BTG1: variants seen among roughly 807,000 people sequenced by gnomAD.
BTG1 encodes BTG anti-proliferation factor 1, also known as protein BTG1.
A neutral mutation model predicts 15.2 loss-of-function variants in BTG1; 2 were observed. The observed-to-expected ratio is 0.13, with a 90% CI of 0.05 to 0.41. The LOEUF is 0.41. Among genes scored for constraint, BTG1 ranks in the 10% least tolerant of loss-of-function variants. The pLI is 0.99. For synonymous variants in BTG1, 109 were observed against 82.4 expected, an observed-to-expected ratio of 1.32 and a Z score of -1.75; for missense variants, 149 against 215.0, an observed-to-expected ratio of 0.69 and a Z score of 1.92.
chr12:92,145,714 G>A lies in BTG1; in HGVS notation c.-179C>T. 2.8e-6 allele frequency: 1 copy of A among 353,882 alleles called. No individual in the cohort carries two copies. Among genetic ancestry groups the A allele is most frequent in the Non-Finnish European group, 4.9e-6 (1 of 205,686 alleles). 21.9% of individuals were successfully genotyped at this position (353,882 alleles called of 1,614,324 possible). On this transcript the variant is annotated 5_prime_UTR_variant, in exon 1 of 2. Coordinates refer to ENST00000256015, the MANE Select transcript of BTG1 (RefSeq NM_001731.3). ...GACTAAAAAAGTTATTTTCGAGACA[G>A]GAGGCGGCAGGAGAGAGGAAGAGAC...
rs778031532 is a variant in BTG1, at chr12:92,144,260, G to C, written c.336C>G (p.Ser112=). ...TGGAGCCATCCTCTCCAATTCTGTA[G>C]GACACTTCATAGGGGTCAACCCAGA... The part of the protein sequence containing the change: ...LTLWVDPYEV[S]YRIGEDGSIC... The change falls in exon 2 of 2, where the codon TCC becomes TCG. Residue 112 remains serine (S), a synonymous_variant. Coordinates refer to ENST00000256015, the MANE Select transcript of BTG1 (RefSeq NM_001731.3). 2.5e-6 allele frequency: 4 copies of C among 1,614,092 alleles called. No homozygotes were observed. The highest frequency in any genetic ancestry group is 3.4e-6 in the Non-Finnish European group (4 of 1,180,054).
Position 92,141,174 on chromosome 12 carries a change from T to C in BTG1, c.*2906A>G, listed in dbSNP as rs1003904651. On this transcript the variant is annotated 3_prime_UTR_variant, in exon 2 of 2. Coordinates refer to ENST00000256015, the MANE Select transcript of BTG1 (RefSeq NM_001731.3). Reference sequence around the variant, plus strand: ...CCAATTTCATAAACTGCAACACCTATACAAAACAAAATTAATTACTTGCAA... The same window carrying C: ...CCAATTTCATAAACTGCAACACCTACACAAAACAAAATTAATTACTTGCAA... 4.3e-6 allele frequency: 1 copy of C among 232,720 alleles called. No individual in the cohort carries two copies. Among genetic ancestry groups the C allele is most frequent in the Non-Finnish European group, 8.5e-6 (1 of 117,728 alleles). The allele number at this position is 232,720 out of a possible 1,614,324, so 14.4% of individuals were successfully genotyped here.
In BTG1 at chr12:92,143,937, T is replaced by TC; in HGVS notation, c.*142_*143insG. On this transcript the variant is annotated 3_prime_UTR_variant, in exon 2 of 2. Transcript: ENST00000256015. ...ATGGCACTGTCACTTAAAATTTTTT[T>TC]TTTTTTTACCATTCTATCTTGTGCC... 2.8e-6 allele frequency: 3 copies of TC among 1,066,812 alleles called. No homozygotes were observed. Among genetic ancestry groups the TC allele is most frequent in the Non-Finnish European group, 2.6e-6 (2 of 761,944 alleles). 66.1% of individuals were successfully genotyped at this position (1,066,812 alleles called of 1,614,324 possible).
Position 92,142,874 on chromosome 12 carries a change from C to T in BTG1, c.*1206G>A, listed in dbSNP as rs1043225853. ...GTATCACATTTTTGGTAGATGCTAC[C>T]GTGGTCTCTTATCCTTATTTCATGA... On this transcript the variant is annotated 3_prime_UTR_variant, in exon 2 of 2. Transcript: ENST00000256015. 2 of 232,984 alleles carry T rather than the reference C, an allele frequency of 8.6e-6. No individual in the cohort carries two copies. Among genetic ancestry groups the T allele is most frequent in the African/African-American group, 4.4e-5 (2 of 45,406 alleles). The allele number at this position is 232,984 out of a possible 1,614,324, so 14.4% of individuals were successfully genotyped here. A position where few individuals can be genotyped will look rare whatever the true frequency, so the allele number is the denominator to read the frequency against.
intron 1 of BTG1, 125 bp from the exon 2 acceptor site, chr12:92,144,572 G>A: frequency 7.7e-7 from 1 of 1,296,166 alleles, no homozygotes; most frequent in Non-Finnish European, 1.1e-6. Flanking sequence ...AAATGTCCAG[G>A]ATTGCATCCG....
In BTG1 at chr12:92,141,407, C is replaced by T. The variant is rs1870216089; in HGVS notation, c.*2673G>A. On this transcript the variant is annotated 3_prime_UTR_variant, in exon 2 of 2. Coordinates refer to ENST00000256015, the MANE Select transcript of BTG1 (RefSeq NM_001731.3). The stretch of plus-strand genomic sequence containing the variant: ...ATACAATCCACTTGAAGCCTTGTTT[C>T]AACATTACAGAGGGAGGCACTACTT... The T allele has an allele frequency of 4.3e-6, 1 of 231,900 alleles. No individual in the cohort carries two copies. The allele number at this position is 231,900 out of a possible 1,614,324, so 14.4% of individuals were successfully genotyped here. A position where few individuals can be genotyped will look rare whatever the true frequency, so the allele number is the denominator to read the frequency against.
At position 92,142,632 on chromosome 12, in the gene BTG1, A is replaced by ATT; in HGVS notation, c.*1446_*1447dup. On this transcript the variant is annotated 3_prime_UTR_variant, in exon 2 of 2. Coordinates refer to ENST00000256015, the MANE Select transcript of BTG1 (RefSeq NM_001731.3). ...CTTTTGTTGAATTCCAGCTTATGTG[A>ATT]TTTTTATGTACATCTTGCAGGTGAT... 4.3e-6 allele frequency: 1 copy of ATT among 233,030 alleles called. No homozygotes were observed. Among genetic ancestry groups the ATT allele is most frequent in the Non-Finnish European group, 8.5e-6 (1 of 117,918 alleles). 14.4% of individuals were successfully genotyped at this position (233,030 alleles called of 1,614,324 possible). A position where few individuals can be genotyped will look rare whatever the true frequency, so the allele number is the denominator to read the frequency against.
chr12:92,141,019 T>C lies in BTG1; in HGVS notation c.*3061A>G, dbSNP rs79619065. 0.056 allele frequency: 12,957 copies of C among 232,726 alleles called. 549 individuals carry two copies. Among genetic ancestry groups the C allele is most frequent in the East Asian group, 0.14 (2,229 of 16,494 alleles). 14.4% of individuals were successfully genotyped at this position (232,726 alleles called of 1,614,324 possible). A position where few individuals can be genotyped will look rare whatever the true frequency, so the allele number is the denominator to read the frequency against. Reference sequence around the variant, plus strand: ...GAGGAAGAAGAGAGAGTATCAGAAATGTTAAAAGTCACGCAGGGAGAAGTC... The same window carrying C: ...GAGGAAGAAGAGAGAGTATCAGAAACGTTAAAAGTCACGCAGGGAGAAGTC... On this transcript the variant is annotated 3_prime_UTR_variant, in exon 2 of 2. Transcript: ENST00000256015.
Position 92,145,458 on chromosome 12 carries a change from G to A in BTG1, c.78C>T (p.Leu26=), listed in dbSNP as rs1471930116. 1 of 1,592,482 alleles carries A rather than the reference G, an allele frequency of 6.3e-7. No homozygotes were observed. The change falls in exon 1 of 2, where the codon CTC becomes CTT. Residue 26 remains leucine (L), a synonymous_variant. Coordinates refer to ENST00000256015, the MANE Select transcript of BTG1 (RefSeq NM_001731.3). ...GCTCGCTCGTGAGCCCCTTGGTGCGGAGAAACTTGGAGATGAAGGACACGG... is the reference window on the plus strand; with the variant it reads ...GCTCGCTCGTGAGCCCCTTGGTGCGAAGAAACTTGGAGATGAAGGACACGG... ...AAAVSFISKF[L]RTKGLTSERQ...
Position 92,143,944 on chromosome 12 carries a change from T to TTA in BTG1, c.*135_*136insTA. 4.3e-6 allele frequency: 5 copies of TTA among 1,151,138 alleles called. No homozygotes were observed. In the South Asian group the frequency reaches 8.0e-5, roughly 18 times the overall value. 71.3% of individuals were successfully genotyped at this position (1,151,138 alleles called of 1,614,324 possible). ...TGTCACTTAAAATTTTTTTTTTTTT[T>TTA]ACCATTCTATCTTGTGCCAGATCTT... On this transcript the variant is annotated 3_prime_UTR_variant, in exon 2 of 2. Transcript: ENST00000256015.
Position 92,143,686 on chromosome 12 carries a change from A to T in BTG1, c.*394T>A. 1.1e-5 allele frequency: 3 copies of T among 261,368 alleles called. No individual in the cohort carries two copies. Among genetic ancestry groups the T allele is most frequent in the Non-Finnish European group, 2.2e-5 (3 of 136,542 alleles). 16.2% of individuals were successfully genotyped at this position (261,368 alleles called of 1,614,324 possible). A position where few individuals can be genotyped will look rare whatever the true frequency, so the allele number is the denominator to read the frequency against. On this transcript the variant is annotated 3_prime_UTR_variant, in exon 2 of 2. Transcript: ENST00000256015. Reference sequence around the variant, plus strand: ...CTATTAAAAGCTGCCGAAAAGGTTAACAATAACAACTTTCAAGTGTAATAG... The same window carrying T: ...CTATTAAAAGCTGCCGAAAAGGTTATCAATAACAACTTTCAAGTGTAATAG...
chr12:92,142,838 T>TAATC lies in BTG1; in HGVS notation c.*1238_*1241dup, dbSNP rs892037071. 27 of 233,106 alleles carry TAATC rather than the reference T, an allele frequency of 1.2e-4. No individual in the cohort carries two copies. Among genetic ancestry groups the TAATC allele is most frequent in the African/African-American group, 5.7e-4 (26 of 45,466 alleles). The allele number at this position is 233,106 out of a possible 1,614,324, so 14.4% of individuals were successfully genotyped here. ...ACTTCAACAGGGAAGCAATGAAATG[T>TAATC]AATCCTTTGAGTATCACATTTTTGG... is the stretch of plus-strand genomic sequence containing the variant. On this transcript the variant is annotated 3_prime_UTR_variant, in exon 2 of 2. Coordinates refer to ENST00000256015, the MANE Select transcript of BTG1 (RefSeq NM_001731.3).
rs1174997514 is a variant in BTG1 at position 92,145,681 on chromosome 12, TTTC to T, written c.-149_-147del. On this transcript the variant is annotated 5_prime_UTR_variant, in exon 1 of 2. Transcript: ENST00000256015. ...GGGCGGACGACTACTTTTGTCTTTC[TTTC>T]TTTAGACTAAAAAAGTTATTTTCGA... 4.1e-6 allele frequency: 2 copies of T among 482,766 alleles called. No individual in the cohort carries two copies. Among genetic ancestry groups the T allele is most frequent in the Non-Finnish European group, 6.6e-6 (2 of 304,042 alleles). The allele number at this position is 482,766 out of a possible 1,614,324, so 29.9% of individuals were successfully genotyped here. A position where few individuals can be genotyped will look rare whatever the true frequency, so the allele number is the denominator to read the frequency against.
At position 92,141,447 on chromosome 12, in the gene BTG1, G is replaced by C. The variant is rs984908959; in HGVS notation, c.*2633C>G. Reference sequence around the variant, plus strand: ...AGGCACTACTTAAATTTGGAAAAAAGGAAATAATTTCAAAACTACCTGTTA... The same window carrying C: ...AGGCACTACTTAAATTTGGAAAAAACGAAATAATTTCAAAACTACCTGTTA... On this transcript the variant is annotated 3_prime_UTR_variant, in exon 2 of 2. Transcript: ENST00000256015. 4.3e-6 allele frequency: 1 copy of C among 231,566 alleles called. No individual in the cohort carries two copies. The highest frequency in any genetic ancestry group is 2.2e-5 in the African/African-American group (1 of 45,224). The allele number at this position is 231,566 out of a possible 1,614,324, so 14.3% of individuals were successfully genotyped here.
In BTG1 at chr12:92,142,647, T is replaced by G. The variant is rs985670892; in HGVS notation, c.*1433A>C. ...AGCTTATGTGATTTTTATGTACATC[T>G]TGCAGGTGATGAAAAGCAAAAAGCA... On this transcript the variant is annotated 3_prime_UTR_variant, in exon 2 of 2. Transcript: ENST00000256015. The G allele has an allele frequency of 3.9e-5, 9 of 232,966 alleles. No individual in the cohort carries two copies. The Admixed American group carries it at 5.1e-4, about 13-fold the overall frequency. The allele number at this position is 232,966 out of a possible 1,614,324, so 14.4% of individuals were successfully genotyped here. A position where few individuals can be genotyped will look rare whatever the true frequency, so the allele number is the denominator to read the frequency against.
intron 1 of BTG1, 36 bp downstream of exon 1, chr12:92,145,352 G>A: frequency 1.3e-6 from 2 of 1,504,554 alleles, no homozygotes; most frequent in Non-Finnish European, 8.9e-7. Flanking sequence ...CAGGGATGTG[G>A]GGCCCGCGTC....
intron 1 of BTG1, chr12:92,145,181 G>C (rs1168080859): frequency 9.2e-6 from 6 of 654,230 alleles, no homozygotes; most frequent in Non-Finnish European, 1.3e-5. Flanking sequence ...TTTGCCAGCT[G>C]GGGGGAAGGG....
In BTG1 at chr12:92,141,728, T is replaced by C. The variant is rs1352114193; in HGVS notation, c.*2352A>G. On this transcript the variant is annotated 3_prime_UTR_variant, in exon 2 of 2. Transcript: ENST00000256015. The stretch of plus-strand genomic sequence containing the variant: ...GGAAACAGCTGGTCTCAGAGTGATG[T>C]GTGCAAGCCTTTTTCAAAGACAAAC... 4.3e-6 allele frequency: 1 copy of C among 232,716 alleles called. No individual in the cohort carries two copies. The highest frequency in any genetic ancestry group is 5.6e-5 in the Admixed American group (1 of 17,790). 14.4% of individuals were successfully genotyped at this position (232,716 alleles called of 1,614,324 possible). A position where few individuals can be genotyped will look rare whatever the true frequency, so the allele number is the denominator to read the frequency against.
chr12:92,145,623 G>A lies in BTG1; in HGVS notation c.-88C>T, dbSNP rs1035476019. 2 of 986,028 alleles carry A rather than the reference G, an allele frequency of 2.0e-6. No individual in the cohort carries two copies. The highest frequency in any genetic ancestry group is 1.7e-5 in the African/African-American group (1 of 58,044). The allele number at this position is 986,028 out of a possible 1,614,324, so 61.1% of individuals were successfully genotyped here. A position where few individuals can be genotyped will look rare whatever the true frequency, so the allele number is the denominator to read the frequency against. ...AGCAGCCACCCCGGGCTTCCTCACC[G>A]GGCGGAAGGCTGAGAGGAAGAGAGG... On this transcript the variant is annotated 5_prime_UTR_variant, in exon 1 of 2. Transcript: ENST00000256015.
Sources: gnomAD v4.1 joint callset for allele counts on GRCh38, gnomAD v4.1.1 for gene constraint, MANE v1.5 for transcripts, NCBI Gene and HGNC (gene_info 2026-07-23, HGNC 2026-07-21) for gene names.